Variants in MBD5 observed in about 807,000 individuals in gnomAD.
MBD5 encodes the protein methyl-CpG-binding domain protein 5.
A neutral mutation model predicts 117.3 loss-of-function variants in MBD5; 13 were observed. The observed-to-expected ratio is 0.11, with a 90% CI of 0.07 to 0.18. The LOEUF (loss-of-function observed/expected upper bound fraction) is 0.18, where lower values mean the gene tolerates loss of function less well. Among genes scored for constraint, MBD5 ranks in the 10% least tolerant of loss-of-function variants. MBD5 has a pLI of 1.00. For synonymous variants in MBD5, 727 were observed against 766.4 expected, an observed-to-expected ratio of 0.95 and a Z score of 0.85; for missense variants, 1,879 against 2,093.8, an observed-to-expected ratio of 0.90 and a Z score of 2.00.
At chr2:148,407,733 A>C (rs2105147830) in intron 4 of MBD5, among the ~76,000 whole-genome samples, 1 of 152,276 alleles carries the variant, frequency 6.6e-6, no homozygotes, top group South Asian at 2.1e-4. Flanking sequence ...CTAAATTTAA[A>C]GTTTATTTGA....
At chr2:148,360,816 TG>T (rs1703510553) in intron 4 of MBD5, among the ~76,000 whole-genome samples, 1 of 152,178 alleles carries the variant, frequency 6.6e-6, no homozygotes, top group Admixed American at 6.5e-5. Context: ...GCATTAAAAT[TG>T]TTGAAAAATA....
chr2:148,085,418 C>A (rs1160387405), intron 1 of MBD5, among the ~76,000 whole-genome samples: 1 of 152,182 alleles, frequency 6.6e-6, no homozygotes, highest in Non-Finnish European at 1.5e-5. Context: ...GCAATTACTT[C>A]CAGTGCTTTT....
At chr2:148,327,722 T>C (rs1169957767) in intron 3 of MBD5, among the ~76,000 whole-genome samples, 1 of 152,082 alleles carries the variant, frequency 6.6e-6, no homozygotes, top group Admixed American at 6.6e-5. Flanking sequence ...TCCGTATTGG[T>C]TATTCTAGTT....
chr2:148,122,130 A>G (rs1469417583), intron 1 of MBD5, among the ~76,000 whole-genome samples: 1 of 152,120 alleles, frequency 6.6e-6, no homozygotes, highest in Non-Finnish European at 1.5e-5. Context: ...TCAGAAATAA[A>G]TTTTTGCACA....
At chr2:148,396,556 G>A (rs371479126) in intron 4 of MBD5, among the ~76,000 whole-genome samples, 1 of 151,920 alleles carries the variant, frequency 6.6e-6, no homozygotes, top group Non-Finnish European at 1.5e-5. Context: ...TTGTAGATCC[G>A]AGTATCACAG....
chr2:148,451,141 A>G (rs1524367), intron 4 of MBD5, among the ~76,000 whole-genome samples: 150,275 of 152,272 alleles, frequency 0.99, 74,185 homozygotes, highest in East Asian at 1. Context: ...TGCCTTTTTA[A>G]GGTATCCCTG....
At chr2:148,366,635 G>A (rs911554333) in intron 4 of MBD5, among the ~76,000 whole-genome samples, 11 of 152,128 alleles carry the variant, frequency 7.2e-5, no homozygotes, top group Non-Finnish European at 1.5e-4. Flanking sequence ...AAAGTCTCAG[G>A]ATACAAAATC....
At chr2:148,219,830 A>T (rs1240393507) in intron 2 of MBD5, 4 of 152,224 alleles carry the variant, frequency 2.6e-5, no homozygotes, top group African/African-American at 9.6e-5. Flanking sequence ...CTTAAGTTTA[A>T]TTGAAAAGCT....
chr2:148,239,924 C>A (rs1700176686), intron 3 of MBD5, among the ~76,000 whole-genome samples: 1 of 151,992 alleles, frequency 6.6e-6, no homozygotes, highest in Admixed American at 6.6e-5. Flanking sequence ...GGGTATATAC[C>A]CAAAGGATTA....
chr2:148,063,480 A>C (rs938272029), intron 1 of MBD5, among the ~76,000 whole-genome samples: 3 of 152,110 alleles, frequency 2.0e-5, no homozygotes, highest in Non-Finnish European at 4.4e-5. Flanking sequence ...ACCTGGCTCA[A>C]CTCTGCTTTT....
intron 1 of MBD5, among the ~76,000 whole-genome samples, chr2:148,053,182 A>G (rs1427905714): frequency 6.6e-6 from 1 of 151,954 alleles, no homozygotes; most frequent in Non-Finnish European, 1.5e-5. Flanking sequence ...TTTTTGCTTT[A>G]TGTATCTTGG....
At chr2:148,299,343 G>T (rs576120414) in intron 3 of MBD5, among the ~76,000 whole-genome samples, 163 of 152,150 alleles carry the variant, frequency 1.1e-3, no homozygotes, top group African/African-American at 3.7e-3. Context: ...GGTCAGGCTG[G>T]CCTTGAACTC....
chr2:148,334,104 A>C (rs1702727903), intron 3 of MBD5, among the ~76,000 whole-genome samples: 1 of 151,980 alleles, frequency 6.6e-6, no homozygotes, highest in East Asian at 1.9e-4. Context: ...ATTTCTAACC[A>C]AGTTTGTTCA....
In MBD5 at chr2:148,512,961, G is replaced by A. The variant is rs1462263687; in HGVS notation, c.*20G>A. On this transcript the variant is annotated 3_prime_UTR_variant, in exon 14 of 14. Coordinates refer to ENST00000642680, the MANE Select transcript of MBD5 (RefSeq NM_001378120.1). ...AGATAACAGAGACTACTCCACTAATGCGCAGTGTTTATTAAAGGAACATGC... is the reference window on the plus strand; with the variant it reads ...AGATAACAGAGACTACTCCACTAATACGCAGTGTTTATTAAAGGAACATGC... 4 of 1,603,920 alleles carry A rather than the reference G, an allele frequency of 2.5e-6. No homozygotes were observed. Among genetic ancestry groups the A allele is most frequent in the Admixed American group, 3.3e-5 (2 of 60,002 alleles).
chr2:148,152,214 G>A (rs1394611790), intron 1 of MBD5, among the ~76,000 whole-genome samples: 3 of 152,146 alleles, frequency 2.0e-5, no homozygotes, highest in Non-Finnish European at 2.9e-5. Context: ...AGTCATTCAG[G>A]AGCAGGTTGT....
chr2:148,226,806 T>C (rs1202814630), intron 2 of MBD5, among the ~76,000 whole-genome samples: 3 of 152,252 alleles, frequency 2.0e-5, no homozygotes, highest in Admixed American at 2.0e-4. Flanking sequence ...ATCACTATTC[T>C]AACTGGTGTG....
At chr2:148,166,645 T>A (rs925364824) in intron 1 of MBD5, among the ~76,000 whole-genome samples, 9 of 152,160 alleles carry the variant, frequency 5.9e-5, no homozygotes, top group Admixed American at 2.6e-4. Flanking sequence ...TCTCATTTAA[T>A]TCTTTAAGTA....
intron 4 of MBD5, among the ~76,000 whole-genome samples, chr2:148,353,928 T>C (rs971214252): frequency 1.3e-5 from 2 of 152,118 alleles, no homozygotes; most frequent in Non-Finnish European, 2.9e-5. Context: ...GTAACTATAA[T>C]ACCTTTCTTT....
chr2:148,386,746 A>G (rs890915188), intron 4 of MBD5, among the ~76,000 whole-genome samples: 5 of 146,018 alleles, frequency 3.4e-5, no homozygotes, highest in East Asian at 2.0e-4. Flanking sequence ...AAAAAAAAGA[A>G]GATACTTTAT....
Sources: allele counts gnomAD v4.1 joint callset (sites outside exome capture counted in the v4.1 genomes callset), GRCh38; gene constraint gnomAD v4.1.1; transcripts MANE v1.5; gene names NCBI Gene and HGNC (gene_info 2026-07-23, HGNC 2026-07-21).